C8orf89: variants seen among roughly 807,000 people sequenced by gnomAD.
C8orf89 encodes the protein chromosome 8 open reading frame 89.
A neutral mutation model predicts 15.8 loss-of-function variants in C8orf89; 14 were observed. The observed-to-expected ratio is 0.89, with a 90% CI of 0.59 to 1.39. C8orf89 has a LOEUF of 1.39. C8orf89 is among the 40% of genes most tolerant of loss of function. The probability of loss-of-function intolerance (pLI) is 0.00; values close to 1 mark genes in which losing one functional copy is unlikely to be tolerated. For missense variants in C8orf89, 181 were observed against 184.5 expected (o/e 0.98, Z 0.11); for synonymous variants, 55 against 62.2 (o/e 0.88, Z 0.54).
upstream of C8orf89, among the ~76,000 whole-genome samples, chr8:73,264,265 G>A (rs930635203): frequency 1.1e-4 from 16 of 152,280 alleles, no homozygotes; most frequent in Admixed American, 6.5e-4. Flanking sequence ...TGACTTGTTC[G>A]ACCTCAGCTG....
the C8orf89 span, among the ~76,000 whole-genome samples, chr8:73,282,675 T>C: frequency 2.6e-5 from 4 of 152,208 alleles, no homozygotes; most frequent in African/African-American, 9.7e-5. Flanking sequence ...AACAGAGGTA[T>C]GGTTTCTATT....
the C8orf89 span, among the ~76,000 whole-genome samples, chr8:73,280,171 T>C: frequency 6.6e-6 from 1 of 152,222 alleles, no homozygotes; most frequent in African/African-American, 2.4e-5. Context: ...TGGCTTTCTC[T>C]GTGAACATTC....
At chr8:73,257,675 C>T (rs1332293062) in intron 1 of C8orf89, among the ~76,000 whole-genome samples, 1 of 152,142 alleles carries the variant, frequency 6.6e-6, no homozygotes, top group Non-Finnish European at 1.5e-5. Context: ...ACTAACCTCA[C>T]ATATCCATTG....
the C8orf89 span, among the ~76,000 whole-genome samples, chr8:73,283,489 G>C: frequency 6.6e-6 from 1 of 152,226 alleles, no homozygotes; most frequent in East Asian, 1.9e-4. Flanking sequence ...ACTCTCATAA[G>C]GTGAGGATTA....
Position 73,246,341 on chromosome 8 carries a change from C to T in C8orf89, c.337+3927G>A, listed in dbSNP as rs576981502. Among the ~76,000 whole-genome samples the T allele has an allele frequency of 8.5e-5, 13 of 152,196 alleles. No individual in the cohort carries two copies. In the East Asian group the frequency reaches 9.7e-4, roughly 11 times the overall value. On this transcript the variant is annotated intron_variant, in intron 3 of 3. Coordinates refer to ENST00000624510, the MANE Select transcript of C8orf89 (RefSeq NM_001243237.3). Reference sequence around the variant, plus strand: ...GAGGCTGGCAAATGTTCATTTGGGCCGAGATTCAAAGCAATGTCTTTTGGG... The same window carrying T: ...GAGGCTGGCAAATGTTCATTTGGGCTGAGATTCAAAGCAATGTCTTTTGGG...
the C8orf89 span, among the ~76,000 whole-genome samples, chr8:73,282,612 A>G: frequency 6.6e-6 from 1 of 152,362 alleles, no homozygotes; most frequent in South Asian, 2.1e-4. Flanking sequence ...AAAGTGGTCT[A>G]TATTTTCTTG....
chr8:73,251,241 A>C (rs138120854), intron 2 of C8orf89, among the ~76,000 whole-genome samples: 1 of 152,326 alleles, frequency 6.6e-6, no homozygotes, highest in African/African-American at 2.4e-5. Flanking sequence ...ATTTGAAAAA[A>C]TACTACACTT....
At chr8:73,259,660 T>C (rs973541981), upstream of C8orf89, among the ~76,000 whole-genome samples, 1 of 152,076 alleles carries the variant, frequency 6.6e-6, no homozygotes. Flanking sequence ...TAAAGTCCAA[T>C]AGCAAGTTAT....
the C8orf89 span, among the ~76,000 whole-genome samples, chr8:73,275,451 G>T: frequency 0.6 from 91,393 of 151,590 alleles, 27,744 homozygotes; most frequent in South Asian, 0.78. Context: ...TCGGCCAGGC[G>T]GGTCTCAAAC....
At chr8:73,258,285 C>T (rs1441108519) in intron 1 of C8orf89, among the ~76,000 whole-genome samples, 1 of 151,928 alleles carries the variant, frequency 6.6e-6, no homozygotes, top group Non-Finnish European at 1.5e-5. Context: ...GCAGTGCATG[C>T]CTGTCATCCC....
the C8orf89 span, among the ~76,000 whole-genome samples, chr8:73,271,518 G>A: frequency 6.6e-6 from 1 of 152,078 alleles, no homozygotes; most frequent in South Asian, 2.1e-4. Context: ...GCCATTTTTT[G>A]ATGCAACACA....
the C8orf89 span, among the ~76,000 whole-genome samples, chr8:73,283,298 CA>C: frequency 1.3e-5 from 2 of 152,184 alleles, no homozygotes; most frequent in Non-Finnish European, 2.9e-5. Context: ...AGCAAATACA[CA>C]ATCCAATTTA....
At chr8:73,260,343 C>T (rs570554531), upstream of C8orf89, among the ~76,000 whole-genome samples, 250 of 151,246 alleles carry the variant, frequency 1.7e-3, no homozygotes, top group African/African-American at 5.5e-3. Flanking sequence ...ACAATGAGAA[C>T]ACTTGGACAC....
rs1172718992 is a variant in C8orf89, at chr8:73,241,537, T to C, written c.406A>G (p.Ile136Val). The C allele has an allele frequency of 2.0e-6, 3 of 1,534,332 alleles. No individual in the cohort carries two copies. The highest frequency in any genetic ancestry group is 1.7e-6 in the Non-Finnish European group (2 of 1,145,784). ...QYLERLSKIAILEYDTIRQET... is the reference protein window; with the variant it reads ...QYLERLSKIAVLEYDTIRQET... ...TGACGAATGGTATCATATTCCAATA[T>C]GGCTATTTTGGAAAGTCTCTCTAAG... The change falls in exon 4 of 4, where the codon ATA becomes GTA. Residue 136 changes from isoleucine (I) to valine (V), a missense_variant. Transcript: ENST00000624510.
At chr8:73,277,766 C>T in the C8orf89 span, 4 of 740,284 alleles carry the variant, frequency 5.4e-6, no homozygotes, top group Non-Finnish European at 7.6e-6. Context: ...AGGACAGATC[C>T]GCAGCTTCCC....
the C8orf89 span, among the ~76,000 whole-genome samples, chr8:73,273,290 G>A: frequency 2.0e-5 from 3 of 152,210 alleles, no homozygotes; most frequent in Non-Finnish European, 4.4e-5. Flanking sequence ...GCACTCTCAG[G>A]GCCCCGGAAA....
intron 3 of C8orf89, among the ~76,000 whole-genome samples, chr8:73,243,449 C>A (rs999450833): frequency 1.3e-5 from 2 of 152,020 alleles, no homozygotes; most frequent in African/African-American, 4.8e-5. Context: ...ACTATGTACC[C>A]AGAAAATTAA....
At chr8:73,280,982 G>T in the C8orf89 span, among the ~76,000 whole-genome samples, 1 of 152,004 alleles carries the variant, frequency 6.6e-6, no homozygotes, top group Admixed American at 6.6e-5. Context: ...TATTAATAGA[G>T]TAAGATGGAG....
intron 3 of C8orf89, among the ~76,000 whole-genome samples, chr8:73,243,869 T>A (rs1813064132): frequency 6.6e-6 from 1 of 152,126 alleles, no homozygotes; most frequent in African/African-American, 2.4e-5. Context: ...CCTCAAAAAA[T>A]ATTTATCTAA....
Sources: allele counts gnomAD v4.1 joint callset (sites outside exome capture counted in the v4.1 genomes callset), GRCh38; gene constraint gnomAD v4.1.1; transcripts MANE v1.5; gene names NCBI Gene and HGNC (gene_info 2026-07-23, HGNC 2026-07-21).